PIGK: variants seen among roughly 807,000 people sequenced by gnomAD.
PIGK encodes phosphatidylinositol glycan anchor biosynthesis class K.
PIGK carries 42 observed loss-of-function variants against 50.6 expected under a neutral mutation model. The observed-to-expected ratio is 0.83, with a 90% CI of 0.65 to 1.07. The LOEUF is 1.07. Among genes scored for constraint, PIGK ranks in the 50% least tolerant of loss-of-function variants. PIGK has a pLI of 0.00. For missense variants in PIGK, 448 were observed against 488.7 expected (o/e 0.92, Z 0.78); for synonymous variants, 151 against 156.0 (o/e 0.97, Z 0.24).
chr1:77,136,531 C>T (rs1383093496), intron 9 of PIGK, among the ~76,000 whole-genome samples: 3 of 101,504 alleles, frequency 3.0e-5, no homozygotes, highest in Non-Finnish European at 5.7e-5. Context: ...AGCGAGACTC[C>T]GTCTCAAAAA....
At chr1:77,142,288 T>C (rs1175929701) in intron 9 of PIGK, among the ~76,000 whole-genome samples, 3 of 152,142 alleles carry the variant, frequency 2.0e-5, no homozygotes, top group African/African-American at 7.2e-5. Flanking sequence ...AAAGATGGCA[T>C]TGTATTGCTC....
intron 10 of PIGK, among the ~76,000 whole-genome samples, chr1:77,093,067 G>A (rs780691437): frequency 2.0e-5 from 3 of 151,974 alleles, no homozygotes; most frequent in Non-Finnish European, 4.4e-5. Context: ...CCTATTCATT[G>A]TGCCTATTCA....
intron 3 of PIGK, among the ~76,000 whole-genome samples, chr1:77,206,256 T>C (rs1656283359): frequency 1.3e-5 from 2 of 152,200 alleles, no homozygotes; most frequent in African/African-American, 4.8e-5. Flanking sequence ...TATTAAAGGA[T>C]ACAACCTTCT....
chr1:77,153,634 A>T (rs961875000), intron 9 of PIGK: 7 of 110,048 alleles, frequency 6.4e-5, no homozygotes, highest in Non-Finnish European at 1.2e-4. Context: ...TACATCAATT[A>T]AAAAAAAAGA....
intron 3 of PIGK, 103 bp from the exon 4 acceptor site, chr1:77,169,498 TTA>T: frequency 2.0e-5 from 18 of 882,630 alleles, no homozygotes; most frequent in South Asian, 7.9e-5. Context: ...TTTCTCCTCC[TTA>T]AAAAAAAATT....
At chr1:77,147,286 A>G (rs1654792550) in intron 9 of PIGK, among the ~76,000 whole-genome samples, 2 of 151,976 alleles carry the variant, frequency 1.3e-5, no homozygotes, top group Non-Finnish European at 2.9e-5. Context: ...CCCTCCCACA[A>G]CACATGGGAA....
chr1:77,194,821 A>G, intron 3 of PIGK: 1 of 368,928 alleles, frequency 2.7e-6, no homozygotes, highest in East Asian at 6.7e-5. Flanking sequence ...AAAAAGACTC[A>G]GTGACCAGGT....
intron 10 of PIGK, among the ~76,000 whole-genome samples, chr1:77,105,359 GGA>G (rs1553179801): frequency 6.6e-6 from 1 of 151,908 alleles, no homozygotes; most frequent in Non-Finnish European, 1.5e-5. Context: ...GAACCAATTG[GGA>G]GAGAGTGGGC....
intron 6 of PIGK, among the ~76,000 whole-genome samples, chr1:77,163,066 G>T (rs1414544061): frequency 2.0e-5 from 3 of 152,194 alleles, no homozygotes; most frequent in Non-Finnish European, 4.4e-5. Flanking sequence ...GTAAAATACA[G>T]TATGCAGCCC....
Position 77,212,690 on chromosome 1 carries a change from A to C in PIGK, c.94-2201T>G, listed in dbSNP as rs72683940. ...TAGATCAGATAAAAGACTTTAAATC[A>C]AAAACTATAAAAAAGAGACAAAGGT... is the stretch of plus-strand genomic sequence containing the variant. On this transcript the variant is annotated intron_variant, in intron 1 of 10. Coordinates refer to ENST00000370812, the MANE Select transcript of PIGK (RefSeq NM_005482.3). Among the ~76,000 whole-genome samples, 1,332 of 152,326 alleles carry C rather than the reference A, an allele frequency of 8.7e-3. 7 individuals carry two copies. The highest frequency in any genetic ancestry group is 0.017 in the Middle Eastern group (5 of 294).
intron 3 of PIGK, among the ~76,000 whole-genome samples, chr1:77,192,609 G>C (rs1460346536): frequency 6.6e-6 from 1 of 152,072 alleles, no homozygotes; most frequent in African/African-American, 2.4e-5. Flanking sequence ...GAGATGACTT[G>C]TGAACACATA....
At chr1:77,168,170 T>C (rs1232704139) in intron 4 of PIGK, among the ~76,000 whole-genome samples, 1 of 152,196 alleles carries the variant, frequency 6.6e-6, no homozygotes, top group Non-Finnish European at 1.5e-5. Flanking sequence ...AGAATTTCTA[T>C]CCCTCTGGGA....
intron 3 of PIGK, among the ~76,000 whole-genome samples, chr1:77,169,616 C>T (rs1655315544): frequency 6.6e-6 from 1 of 151,348 alleles, no homozygotes; most frequent in Non-Finnish European, 1.5e-5. Flanking sequence ...GTTATGAAGG[C>T]ACTTTAATTA....
At chr1:77,151,385 A>G (rs917983496) in intron 9 of PIGK, among the ~76,000 whole-genome samples, 7 of 152,202 alleles carry the variant, frequency 4.6e-5, no homozygotes, top group African/African-American at 1.4e-4. Flanking sequence ...CCCACAGCTA[A>G]TATCATACTT....
At chr1:77,216,354 T>C (rs1219564732) in intron 1 of PIGK, among the ~76,000 whole-genome samples, 1 of 152,198 alleles carries the variant, frequency 6.6e-6, no homozygotes, top group Non-Finnish European at 1.5e-5. Flanking sequence ...AGAGTGTACA[T>C]GTAACCCTCA....
At chr1:77,167,925 A>G (rs1030938839) in intron 4 of PIGK, among the ~76,000 whole-genome samples, 1 of 152,202 alleles carries the variant, frequency 6.6e-6, no homozygotes, top group African/African-American at 2.4e-5. Flanking sequence ...CCTGGGTGAC[A>G]GGCTCAATCA....
Position 77,219,362 on chromosome 1 carries a change from A to T in PIGK, c.41T>A (p.Leu14Ter), listed in dbSNP as rs771138715. The T allele has an allele frequency of 6.2e-7, 1 of 1,613,852 alleles. No individual in the cohort carries two copies. The highest frequency in any genetic ancestry group is 8.5e-7 in the Non-Finnish European group (1 of 1,179,832). The change falls in exon 1 of 11, where the codon TTG becomes TAG. Residue 14 changes from leucine to a stop codon, truncating the protein, a stop_gained. Coordinates refer to ENST00000370812, the MANE Select transcript of PIGK (RefSeq NM_005482.3). LOFTEE classifies it high-confidence loss of function. ...TDSLSRAATV[L>*]ATVLLLSFGS... ...GAAGGACAAGAGCAACACAGTTGCCAAGACAGTCGCAGCCCGGCTGAGGCT... is the reference window on the plus strand; with the variant it reads ...GAAGGACAAGAGCAACACAGTTGCCTAGACAGTCGCAGCCCGGCTGAGGCT...
intron 3 of PIGK, among the ~76,000 whole-genome samples, chr1:77,171,399 T>C (rs992965700): frequency 6.2e-5 from 7 of 113,580 alleles, no homozygotes; most frequent in African/African-American, 2.3e-4. Flanking sequence ...ATCGCGTCAC[T>C]GCACTCCAGC....
intron 10 of PIGK, among the ~76,000 whole-genome samples, chr1:77,099,856 C>T (rs1653502744): frequency 1.3e-5 from 2 of 151,958 alleles, no homozygotes; most frequent in Admixed American, 1.3e-4. Context: ...AAATGCACTC[C>T]TCTTTTTTTA....
Sources: allele counts gnomAD v4.1 joint callset (sites outside exome capture counted in the v4.1 genomes callset), GRCh38; gene constraint gnomAD v4.1.1; transcripts MANE v1.5; gene names NCBI Gene and HGNC (gene_info 2026-07-23, HGNC 2026-07-21).